ULK4: variants seen among roughly 807,000 people sequenced by gnomAD.
ULK4 encodes the protein unc-51 like kinase 4, also known as inactive serine/threonine-protein kinase ULK4.
ULK4 carries 133 observed loss-of-function variants against 160.6 expected under a neutral mutation model. The observed-to-expected ratio is 0.83, with a 90% CI of 0.72 to 0.96. ULK4 has a LOEUF of 0.96. Among genes scored for constraint, ULK4 ranks in the 40% least tolerant of loss-of-function variants. ULK4 has a pLI of 0.00. For missense variants in ULK4, 1,580 were observed against 1,499.5 expected (o/e 1.05, Z -0.89); for synonymous variants, 534 against 539.8 (o/e 0.99, Z 0.15).
At chr3:41,621,965 A>G (rs759097190) in intron 30 of ULK4, among the ~76,000 whole-genome samples, 22 of 152,226 alleles carry the variant, frequency 1.4e-4, no homozygotes, top group Non-Finnish European at 2.2e-4. Flanking sequence ...ATGAACAGAC[A>G]CTTCTCAAAA....
intron 7 of ULK4, among the ~76,000 whole-genome samples, chr3:41,917,725 T>C (rs1297053941): frequency 6.6e-6 from 1 of 152,086 alleles, no homozygotes; most frequent in Non-Finnish European, 1.5e-5. Context: ...CTCACGCCTG[T>C]AATCCCAGCA....
At chr3:41,481,242 T>A (rs891122831) in intron 32 of ULK4, among the ~76,000 whole-genome samples, 1 of 152,304 alleles carries the variant, frequency 6.6e-6, no homozygotes, top group African/African-American at 2.4e-5. Context: ...ACCACATTTT[T>A]AACATATTTA....
chr3:41,559,588 T>C (rs1259743986), intron 32 of ULK4, among the ~76,000 whole-genome samples: 1 of 151,906 alleles, frequency 6.6e-6, no homozygotes, highest in Admixed American at 6.6e-5. Context: ...TGAGATGGTA[T>C]CTCATTGTGG....
At chr3:41,275,492 G>A (rs2079214235) in intron 35 of ULK4, among the ~76,000 whole-genome samples, 1 of 152,198 alleles carries the variant, frequency 6.6e-6, no homozygotes, top group Admixed American at 6.5e-5. Context: ...CAAGATCAAA[G>A]CCTCTGTTCA....
chr3:41,642,261 C>G (rs1410079238), intron 30 of ULK4, among the ~76,000 whole-genome samples: 1 of 151,954 alleles, frequency 6.6e-6, no homozygotes, highest in Non-Finnish European at 1.5e-5. Context: ...CTTATGTATA[C>G]ATGTGCTATG....
chr3:41,488,485 T>C (rs75490233), intron 32 of ULK4, among the ~76,000 whole-genome samples: 360 of 152,350 alleles, frequency 2.4e-3, no homozygotes, highest in East Asian at 0.013. Flanking sequence ...TTTAACTTCA[T>C]ACGCTTCTGC....
intron 1 of ULK4, among the ~76,000 whole-genome samples, chr3:41,961,056 G>C (rs1669936136): frequency 6.6e-6 from 1 of 152,130 alleles, no homozygotes. Context: ...CCACAGTTTA[G>C]TCTCTTAACC....
intron 1 of ULK4, among the ~76,000 whole-genome samples, chr3:41,961,669 G>A (rs1700678643): frequency 6.6e-6 from 1 of 151,874 alleles, no homozygotes; most frequent in African/African-American, 2.4e-5. Flanking sequence ...CCTAGGAAGC[G>A]CTGCAGGGCG....
chr3:41,377,005 T>C (rs1013317378), intron 35 of ULK4, among the ~76,000 whole-genome samples: 4 of 151,286 alleles, frequency 2.6e-5, no homozygotes, highest in African/African-American at 9.8e-5. Context: ...CAAAACAGCA[T>C]GGTACTGGTA....
At chr3:41,882,627 T>A (rs1187021744) in intron 17 of ULK4, among the ~76,000 whole-genome samples, 1 of 152,242 alleles carries the variant, frequency 6.6e-6, no homozygotes, top group African/African-American at 2.4e-5. Flanking sequence ...TACTTATTAC[T>A]GCAACTACTG....
chr3:41,690,058 T>C (rs1246864851), intron 27 of ULK4, among the ~76,000 whole-genome samples: 8 of 147,592 alleles, frequency 5.4e-5, no homozygotes, highest in Admixed American at 4.7e-4. Context: ...CCAACAATGA[T>C]AGACTGGATT....
chr3:41,298,964 G>A (rs761838009), intron 35 of ULK4, among the ~76,000 whole-genome samples: 1 of 152,200 alleles, frequency 6.6e-6, no homozygotes, highest in Non-Finnish European at 1.5e-5. Context: ...GTGAATGCTT[G>A]CAAAAATGGC....
At chr3:41,489,428 C>A (rs2084667120) in intron 32 of ULK4, among the ~76,000 whole-genome samples, 1 of 152,130 alleles carries the variant, frequency 6.6e-6, no homozygotes, top group South Asian at 2.1e-4. Flanking sequence ...CATTAGAGGG[C>A]AGCGTGTGAT....
intron 34 of ULK4, among the ~76,000 whole-genome samples, chr3:41,414,467 C>T (rs2082481407): frequency 6.6e-6 from 1 of 152,160 alleles, no homozygotes; most frequent in Non-Finnish European, 1.5e-5. Context: ...CAATATAATG[C>T]ATTTCAAAAT....
intron 2 of ULK4, among the ~76,000 whole-genome samples, chr3:41,949,699 T>C (rs143622803): frequency 6.6e-6 from 1 of 151,216 alleles, no homozygotes; most frequent in Non-Finnish European, 1.5e-5. Context: ...CCACTCAAAG[T>C]GCTGGGATTA....
chr3:41,599,847 G>GA (rs550123155), intron 31 of ULK4, among the ~76,000 whole-genome samples: 24 of 152,002 alleles, frequency 1.6e-4, no homozygotes, highest in Non-Finnish European at 3.2e-4. Flanking sequence ...TTACAGGCGT[G>GA]AGCCACCGTG....
At chr3:41,339,181 T>C (rs1006446509) in intron 35 of ULK4, among the ~76,000 whole-genome samples, 7 of 151,906 alleles carry the variant, frequency 4.6e-5, no homozygotes, top group African/African-American at 1.2e-4. Flanking sequence ...CTAGTGGACA[T>C]TGCCAGGGCT....
intron 21 of ULK4, among the ~76,000 whole-genome samples, chr3:41,776,088 C>G (rs1382893533): frequency 6.6e-6 from 1 of 150,938 alleles, no homozygotes; most frequent in East Asian, 1.9e-4. Context: ...AGCTGAGTTT[C>G]CACTGGCCCA....
chr3:41,578,403 G>T (rs1273205), intron 31 of ULK4, among the ~76,000 whole-genome samples: 139,359 of 152,166 alleles, frequency 0.92, 64,327 homozygotes, highest in Middle Eastern at 0.97. Flanking sequence ...ACTTAGATAA[G>T]AACCATTATA....
Sources: allele counts gnomAD v4.1 joint callset (sites outside exome capture counted in the v4.1 genomes callset), GRCh38; gene constraint gnomAD v4.1.1; transcripts MANE v1.5; gene names NCBI Gene and HGNC (gene_info 2026-07-23, HGNC 2026-07-21).